ATP13A4: variants seen among roughly 807,000 people sequenced by gnomAD.
The protein encoded by ATP13A4 is ATPase 13A4.
A neutral mutation model predicts 142.5 loss-of-function variants in ATP13A4; 114 were observed. The ratio of observed to expected loss-of-function variants is 0.80; its 90% CI spans 0.69 to 0.93. The LOEUF (loss-of-function observed/expected upper bound fraction) is 0.93. ATP13A4 is among the 40% of genes least tolerant of loss of function. The pLI, the probability that ATP13A4 is intolerant of heterozygous loss-of-function variation, is 0.00. For synonymous variants in ATP13A4, 488 were observed against 514.8 expected (o/e 0.95, Z 0.70); for missense variants, 1,392 against 1,454.0 (o/e 0.96, Z 0.69).
chr3:193,491,499 T>A, intron 5 of ATP13A4, 101 bp from the exon 6 acceptor site: 12 of 861,486 alleles, frequency 1.4e-5, no homozygotes, highest in Non-Finnish European at 2.2e-5. Context: ...ACTTTCTCAC[T>A]TGTGAGACCA....
intron 17 of ATP13A4, among the ~76,000 whole-genome samples, chr3:193,450,573 C>T (rs1228834907): frequency 6.6e-6 from 1 of 152,100 alleles, no homozygotes; most frequent in East Asian, 1.9e-4. Context: ...TTGGAGAAGG[C>T]TTGCTGTAGA....
At position 193,514,699 on chromosome 3, in the gene ATP13A4, G is replaced by T; in HGVS notation, c.233C>A (p.Thr78Lys). The T allele has an allele frequency of 6.2e-7, 1 of 1,614,074 alleles. No homozygotes were observed. The highest frequency in any genetic ancestry group is 1.3e-5 in the African/African-American group (1 of 75,028). ...CGACATAACCAGGTACACACTTACCGTTGTCCTCAGCAACACAGTGTCTGC... is the reference window on the plus strand; with the variant it reads ...CGACATAACCAGGTACACACTTACCTTTGTCCTCAGCAACACAGTGTCTGC... ...QEADTVLLRT[T>K]DEFQIYSWKK... is the part of the protein sequence containing the mutation. The change falls in exon 2 of 30, where the codon ACG becomes AAG. Residue 78 changes from threonine to lysine, a missense_variant and splice_region_variant. Coordinates refer to ENST00000342695, the MANE Select transcript of ATP13A4 (RefSeq NM_032279.4).
rs186820404 is a variant in ATP13A4 at position 193,448,831 on chromosome 3, T to C, written c.2028-501A>G. Among the ~76,000 whole-genome samples the C allele has an allele frequency of 7.2e-5, 11 of 152,332 alleles. No individual in the cohort carries two copies. The East Asian group carries it at 1.7e-3, about 24-fold the overall frequency. ...AAGAGGAAGAGGAAGAGAGTGTTCA[T>C]TAAGCAAAAGCTTTGCTTTAACCTT... On this transcript the variant is annotated intron_variant, in intron 17 of 29. Transcript: ENST00000342695.
In ATP13A4 at chr3:193,437,061, G is replaced by T. The variant is rs762087410; in HGVS notation, c.2673-1317C>A. Among the ~76,000 whole-genome samples the T allele has an allele frequency of 4.1e-3, 571 of 140,276 alleles. 6 individuals carry two copies. Among genetic ancestry groups the T allele is most frequent in the Non-Finnish European group, 6.7e-3 (446 of 66,596 alleles). 92.0% of individuals were successfully genotyped at this position (140,276 alleles called of 152,430 possible). The stretch of plus-strand genomic sequence containing the variant: ...GGAGCTTGCAGTGAGCCGAGATCCC[G>T]CCACTGCACTCCAGCCTGGGCGACA... On this transcript the variant is annotated intron_variant, in intron 23 of 29. Transcript: ENST00000342695.
At position 193,412,240 on chromosome 3, in the gene ATP13A4, CA is replaced by C; in HGVS notation, c.3145del (p.Cys1049ValfsTer28). On this transcript the variant is annotated frameshift_variant, in exon 27 of 30. Coordinates refer to ENST00000342695, the MANE Select transcript of ATP13A4 (RefSeq NM_032279.4). LOFTEE classifies it high-confidence loss of function. ...TTVWFLGTIN[C>X]ITVALVFSKG... Reference sequence around the variant, plus strand: ...AGAGAACACAAGAGCCACAGTGATACAGTTGATTGTTCCCAAGAACCAGACT... The same window carrying C: ...AGAGAACACAAGAGCCACAGTGATACGTTGATTGTTCCCAAGAACCAGACT... 1 of 1,613,456 alleles carries C rather than the reference CA, an allele frequency of 6.2e-7. No individual in the cohort carries two copies. Among genetic ancestry groups the C allele is most frequent in the South Asian group, 1.1e-5 (1 of 91,068 alleles).
At chr3:193,551,503 G>A (rs940599912) in intron 1 of ATP13A4, among the ~76,000 whole-genome samples, 1 of 152,136 alleles carries the variant, frequency 6.6e-6, no homozygotes. Flanking sequence ...TTACTCAATT[G>A]GTTAATTGCT....
Position 193,476,996 on chromosome 3 carries a change from G to A in ATP13A4, c.809-6003C>T, listed in dbSNP as rs1000495507. Among the ~76,000 whole-genome samples the A allele has an allele frequency of 2.0e-5, 3 of 151,974 alleles. 1 individual carries two copies. Among genetic ancestry groups the A allele is most frequent in the African/African-American group, 7.3e-5 (3 of 41,288 alleles). On this transcript the variant is annotated intron_variant, in intron 8 of 29. Transcript: ENST00000342695. ...ACACAGAGATATGAAGACAGCACAC[G>A]CTTTTAGAAAAATGGCACGGATAGA...
chr3:193,582,773 ACATATATAAAATATATATGTATAT>A (rs1193148982), intron 1 of ATP13A4, among the ~76,000 whole-genome samples: 2 of 51,512 alleles, frequency 3.9e-5, no homozygotes, highest in Non-Finnish European at 6.2e-5. Flanking sequence ...TATGTATATT[ACATATATAAAATATATATGTATAT>A]TACATATATA....
At chr3:193,539,677 T>A (rs2108713343) in intron 1 of ATP13A4, among the ~76,000 whole-genome samples, 1 of 152,276 alleles carries the variant, frequency 6.6e-6, no homozygotes, top group South Asian at 2.1e-4. Flanking sequence ...ACATACCTGC[T>A]CACCATGGAA....
At chr3:193,451,632 T>C (rs1015957712) in intron 17 of ATP13A4, among the ~76,000 whole-genome samples, 1 of 152,186 alleles carries the variant, frequency 6.6e-6, no homozygotes, top group African/African-American at 2.4e-5. Flanking sequence ...CTAAAAATAA[T>C]AAAGAATGAT....
At chr3:193,577,687 C>A (rs1262781292) in intron 2 of ATP13A4, among the ~76,000 whole-genome samples, 1 of 152,206 alleles carries the variant, frequency 6.6e-6, no homozygotes, top group African/African-American at 2.4e-5. Flanking sequence ...AACCTGTAGT[C>A]CTGAGGCACC....
chr3:193,416,717 A>C (rs1715083636), intron 25 of ATP13A4, among the ~76,000 whole-genome samples: 1 of 152,198 alleles, frequency 6.6e-6, no homozygotes. Flanking sequence ...AACAGAGCCT[A>C]AAGGGCATGT....
At chr3:193,523,549 A>T (rs775796761) in intron 1 of ATP13A4, among the ~76,000 whole-genome samples, 57 of 152,280 alleles carry the variant, frequency 3.7e-4, no homozygotes, top group Non-Finnish European at 2.9e-4. Context: ...CCCCTAAATG[A>T]TGGTATTCGC....
Position 193,402,253 on chromosome 3 carries a change from T to A in ATP13A4, c.*399A>T, listed in dbSNP as rs1576925830. 5.8e-6 allele frequency: 1 copy of A among 172,642 alleles called. No individual in the cohort carries two copies. The highest frequency in any genetic ancestry group is 1.6e-4 in the East Asian group (1 of 6,288). The allele number at this position is 172,642 out of a possible 1,614,324, so 10.7% of individuals were successfully genotyped here. On this transcript the variant is annotated 3_prime_UTR_variant, in exon 30 of 30. Transcript: ENST00000342695. ...CGCATTAGTTTTTCCATCGATGAAG[T>A]AAAAATTCAAAAATTACAACTCCGT... is the stretch of plus-strand genomic sequence containing the variant.
rs545735669 is a variant in ATP13A4, at chr3:193,421,929, G to C, written c.2843-7179C>G. On this transcript the variant is annotated intron_variant, in intron 25 of 29. Transcript: ENST00000342695. The stretch of plus-strand genomic sequence containing the variant: ...TCAAATAACAAAGTGGCAATAGTAA[G>C]TCCTTAACTATCAATAATTACTTTG... Among the ~76,000 whole-genome samples the C allele has an allele frequency of 6.0e-4, 90 of 149,846 alleles. 4 individuals are homozygous for C. The highest frequency in any genetic ancestry group is 1.0e-3 in the Non-Finnish European group (69 of 67,626).
At chr3:193,514,935 A>G in intron 1 of ATP13A4, 64 bp from the exon 2 acceptor site, 1 of 1,559,612 alleles carries the variant, frequency 6.4e-7, no homozygotes, top group Non-Finnish European at 8.8e-7. Flanking sequence ...ATGAACAAAT[A>G]CTGATTTTAG....
intron 2 of ATP13A4, among the ~76,000 whole-genome samples, chr3:193,503,994 C>CGTGT (rs1491532980): frequency 9.2e-6 from 1 of 108,132 alleles, no homozygotes; most frequent in African/African-American, 3.7e-5. Context: ...GTTCTGTGTG[C>CGTGT]ATGTGTGTGT....
intron 2 of ATP13A4, among the ~76,000 whole-genome samples, chr3:193,509,863 C>T (rs1193356469): frequency 6.6e-6 from 1 of 152,190 alleles, no homozygotes; most frequent in Non-Finnish European, 1.5e-5. Context: ...TGACTCCTCA[C>T]TAGAAAATCA....
At chr3:193,556,493 A>G (rs1001915189), upstream of ATP13A4, among the ~76,000 whole-genome samples, 23 of 149,132 alleles carry the variant, frequency 1.5e-4, no homozygotes, top group East Asian at 1.8e-3. Flanking sequence ...GTGTGTGTGT[A>G]TGTGTGTGTG....
Sources: allele counts gnomAD v4.1 joint callset (sites outside exome capture counted in the v4.1 genomes callset), GRCh38; gene constraint gnomAD v4.1.1; transcripts MANE v1.5; gene names NCBI Gene and HGNC (gene_info 2026-07-23, HGNC 2026-07-21).